The following ETFDH variants were observed in gnomAD, a reference collection of about 807,000 sequenced individuals.
ETFDH encodes electron transfer flavoprotein dehydrogenase, also known as electron transfer flavoprotein-ubiquinone oxidoreductase, mitochondrial.
In ETFDH, 61 loss-of-function variants were observed where a neutral mutation model predicts 73.2. The observed-to-expected ratio is 0.83, with a 90% confidence interval of 0.68 to 1.03. The LOEUF (loss-of-function observed/expected upper bound fraction) is 1.03. Ranked by LOEUF, ETFDH falls within the 50% of genes least tolerant of loss-of-function variation. The pLI, the probability that ETFDH is intolerant of heterozygous loss-of-function variation, is 0.00. For synonymous variants in ETFDH, 243 were observed against 253.3 expected (o/e 0.96, Z 0.39); for missense variants, 685 against 745.0 (o/e 0.92, Z 0.94).
At position 158,697,557 on chromosome 4, in the gene ETFDH, A is replaced by C; in HGVS notation, c.832-2A>C. The C allele has an allele frequency of 6.4e-7, 1 of 1,568,814 alleles. No individual in the cohort carries two copies. Among genetic ancestry groups the C allele is most frequent in the Non-Finnish European group, 8.6e-7 (1 of 1,158,492 alleles). ...TTTTTTGTTTGCTTTTTTTTTTTTT[A>C]GTTATGGGTTATTGATGAAAAGAAC... On this transcript the variant is annotated splice_acceptor_variant, in intron 7 of 12. Coordinates refer to ENST00000511912, the MANE Select transcript of ETFDH (RefSeq NM_004453.4). LOFTEE classifies it high-confidence loss of function.
At chr4:158,707,161 G>A (rs992949964) in intron 12 of ETFDH, among the ~76,000 whole-genome samples, 1 of 152,078 alleles carries the variant, frequency 6.6e-6, no homozygotes, top group Admixed American at 6.5e-5. Flanking sequence ...CAGCTCATCT[G>A]TATGTATTTG....
At chr4:158,700,222 TTATAAA>T (rs140585628) in intron 9 of ETFDH, among the ~76,000 whole-genome samples, 2,070 of 152,212 alleles carry the variant, frequency 0.014, 45 homozygotes, top group African/African-American at 0.042. Context: ...CATAGCTACA[TTATAAA>T]TATAATCACT....
rs779050130 is a variant in ETFDH, at chr4:158,709,465, G to A, written c.*938G>A. On this transcript the variant is annotated 3_prime_UTR_variant, in exon 13 of 13. Transcript: ENST00000511912. ...GAGAATTGCTTGAACCCGGGAGGCA[G>A]AGGATGCAGTGAGCCGAGATTGCGC... The A allele has an allele frequency of 4.3e-6, 1 of 234,754 alleles. No individual in the cohort carries two copies. Among genetic ancestry groups the A allele is most frequent in the Non-Finnish European group, 8.2e-6 (1 of 121,476 alleles). 14.5% of individuals were successfully genotyped at this position (234,754 alleles called of 1,614,324 possible). A position where few individuals can be genotyped will look rare whatever the true frequency, so the allele number is the denominator to read the frequency against.
At chr4:158,683,876 A>G (rs1773930205) in intron 3 of ETFDH, among the ~76,000 whole-genome samples, 4 of 152,148 alleles carry the variant, frequency 2.6e-5, no homozygotes, top group Non-Finnish European at 4.4e-5. Flanking sequence ...TTTAATATGT[A>G]TAGCCAGCAG....
chr4:158,698,526 G>C (rs547887381), intron 8 of ETFDH, among the ~76,000 whole-genome samples: 2 of 151,908 alleles, frequency 1.3e-5, no homozygotes, highest in Non-Finnish European at 2.9e-5. Context: ...TGCCCCAGTT[G>C]TACTGTAGTA....
At chr4:158,672,574 C>T (rs913173828) in intron 1 of ETFDH, 84 bp downstream of exon 1, 1 of 1,324,962 alleles carries the variant, frequency 7.5e-7, no homozygotes, top group African/African-American at 1.4e-5. Context: ...AGGCACCTCT[C>T]GCCCCTTCTC....
intron 1 of ETFDH, among the ~76,000 whole-genome samples, chr4:158,678,733 G>A (rs1188689813): frequency 2.7e-5 from 4 of 150,478 alleles, no homozygotes; most frequent in African/African-American, 4.9e-5. Flanking sequence ...CTGTAGCCTC[G>A]AATTACTGGG....
In ETFDH at chr4:158,699,140, C is replaced by T. The variant is rs1417738324; in HGVS notation, c.1116+10C>T. 5 of 1,607,536 alleles carry T rather than the reference C, an allele frequency of 3.1e-6. No homozygotes were observed. Among genetic ancestry groups the T allele is most frequent in the Non-Finnish European group, 4.3e-6 (5 of 1,174,278 alleles). Reference sequence around the variant, plus strand: ...TGAAGGTGGCTTTCAGGTAACTCTTCCAACTTTTATTTTCCTTGTTTCTGT... The same window carrying T: ...TGAAGGTGGCTTTCAGGTAACTCTTTCAACTTTTATTTTCCTTGTTTCTGT... On this transcript the variant is annotated intron_variant, in intron 9 of 12. Transcript: ENST00000511912.
At chr4:158,675,453 A>G (rs1008574451) in intron 1 of ETFDH, among the ~76,000 whole-genome samples, 1 of 152,106 alleles carries the variant, frequency 6.6e-6, no homozygotes, top group Non-Finnish European at 1.5e-5. Context: ...GGTTGTTTCT[A>G]CTTTTTGGCT....
intron 3 of ETFDH, among the ~76,000 whole-genome samples, chr4:158,682,755 G>A (rs1391558525): frequency 1.3e-5 from 2 of 151,852 alleles, no homozygotes; most frequent in African/African-American, 2.4e-5. Flanking sequence ...GACTGGTCTC[G>A]AACTCCTGAC....
Position 158,706,849 on chromosome 4 carries a change from AG to A in ETFDH, c.1690+1del. On this transcript the variant is annotated frameshift_variant and splice_region_variant, in exon 12 of 13. Transcript: ENST00000511912. LOFTEE classifies it high-confidence loss of function. ...GGCCCGAGCAGCGATTCTGTCCTGC[AG>A]GTAATAATTTCCATCTATTCCTAAA... ...DGPEQRFCPAGVYEFVPVEQG... is the reference protein window; with the variant it reads ...DGPEQRFCPAXVYEFVPVEQG... 6.4e-7 allele frequency: 1 copy of A among 1,574,428 alleles called. No homozygotes were observed. Among genetic ancestry groups the A allele is most frequent in the Non-Finnish European group, 8.7e-7 (1 of 1,143,980 alleles).
At chr4:158,702,746 G>C (rs1774497982) in intron 9 of ETFDH, among the ~76,000 whole-genome samples, 1 of 152,088 alleles carries the variant, frequency 6.6e-6, no homozygotes. Flanking sequence ...TCCGTATCTT[G>C]GCAATTATTG....
At position 158,706,720 on chromosome 4, in the gene ETFDH, A is replaced by C. The variant is rs566844923; in HGVS notation, c.1560A>C (p.Ser520=). The C allele has an allele frequency of 1.7e-5, 28 of 1,614,034 alleles. No homozygotes were observed. In the Admixed American group the frequency reaches 4.2e-4, roughly 24 times the overall value. ...GACAGATCAGTTTTGACCTCTTGTC[A>C]TCTGTGGCTCTGAGTGGTACTAATC... ...PDGQISFDLL[S]SVALSGTNHE... The change falls in exon 12 of 13, where the codon TCA becomes TCC. Residue 520 remains serine (S), a synonymous_variant. Transcript: ENST00000511912.
At position 158,697,633 on chromosome 4, in the gene ETFDH, T is replaced by C. The variant is rs2150311696; in HGVS notation, c.906T>C (p.His302=). The C allele has an allele frequency of 1.2e-6, 2 of 1,613,260 alleles. No homozygotes were observed. The highest frequency in any genetic ancestry group is 2.7e-5 in the African/African-American group (2 of 74,984). ...CTGTTGGTTGGCCCTTGGACAGACA[T>C]ACCTATGGAGGATCTTTCCTCTATC... The part of the protein sequence containing the change: ...DHTVGWPLDR[H]TYGGSFLYHL... Residue 302 remains histidine, a synonymous_variant, in exon 8 of 13, where the codon CAT becomes CAC. Transcript: ENST00000511912.
intron 12 of ETFDH, among the ~76,000 whole-genome samples, chr4:158,707,377 C>T (rs2126318151): frequency 6.6e-6 from 1 of 152,324 alleles, no homozygotes; most frequent in East Asian, 1.9e-4. Flanking sequence ...TACACTGTGA[C>T]TTGGTCTTTT....
Position 158,706,693 on chromosome 4 carries a change from T to C in ETFDH, c.1533T>C (p.Asp511=), listed in dbSNP as rs77484245. Residue 511 remains aspartate (D), a synonymous_variant, in exon 12 of 13, where the codon GAT becomes GAC. Coordinates refer to ENST00000511912, the MANE Select transcript of ETFDH (RefSeq NM_004453.4). ...CACCTATTGAGTATCCAAAACCCGA[T>C]GGACAGATCAGTTTTGACCTCTTGT... The part of the protein sequence containing the change: ...DCTPIEYPKP[D]GQISFDLLSS... The C allele has an allele frequency of 6.0e-3, 9,705 of 1,614,166 alleles. 65 individuals are homozygous for C. Among genetic ancestry groups the C allele is most frequent in the Non-Finnish European group, 5.7e-3 (6,761 of 1,179,998 alleles).
At chr4:158,698,781 C>A (rs1009834337) in intron 8 of ETFDH, among the ~76,000 whole-genome samples, 6 of 152,164 alleles carry the variant, frequency 3.9e-5, no homozygotes, top group Non-Finnish European at 7.4e-5. Context: ...ATAATAAACA[C>A]ATGCTATCCT....
At chr4:158,684,864 A>G (rs1773961707) in intron 4 of ETFDH, 191 bp downstream of exon 4, 1 of 624,650 alleles carries the variant, frequency 1.6e-6, no homozygotes, top group South Asian at 2.0e-5. Context: ...TCCAGTCTAG[A>G]AGAATTGAGA....
At chr4:158,685,003 G>C (rs1164582101) in intron 4 of ETFDH, 98 bp from the exon 5 acceptor site, 1 of 771,596 alleles carries the variant, frequency 1.3e-6, no homozygotes. Flanking sequence ...TAGCACTTAT[G>C]TAGAAATACA....
Sources: allele counts gnomAD v4.1 joint callset (sites outside exome capture counted in the v4.1 genomes callset), GRCh38; gene constraint gnomAD v4.1.1; transcripts MANE v1.5; gene names NCBI Gene and HGNC (gene_info 2026-07-23, HGNC 2026-07-21).